Variants in RAF1 observed in about 807,000 individuals in gnomAD.
RAF1 encodes Raf-1 proto-oncogene, serine/threonine kinase.
RAF1 carries 27 observed loss-of-function variants against 81.1 expected under a neutral mutation model. That is an observed-to-expected ratio of 0.33 (90% confidence interval 0.25 to 0.46). RAF1 has a LOEUF of 0.46. RAF1 is among the 20% of genes least tolerant of loss of function. RAF1 has a pLI of 1.00. For synonymous variants in RAF1, 298 were observed against 294.0 expected, an observed-to-expected ratio of 1.01 and a Z score of -0.14; for missense variants, 598 against 826.0, an observed-to-expected ratio of 0.72 and a Z score of 3.38.
intron 1 of RAF1, among the ~76,000 whole-genome samples, chr3:12,647,218 C>T (rs2060377836): frequency 6.6e-6 from 1 of 150,906 alleles, no homozygotes; most frequent in South Asian, 2.1e-4. Flanking sequence ...ATGGCGGGAA[C>T]CCAGGAGGCG....
At chr3:12,610,826 A>G (rs1008934535) in intron 3 of RAF1, among the ~76,000 whole-genome samples, 16 of 152,188 alleles carry the variant, frequency 1.1e-4, no homozygotes, top group African/African-American at 3.9e-4. Flanking sequence ...ATAATGGATA[A>G]TGGATAATTA....
chr3:12,635,456 G>A (rs1157224842), intron 1 of RAF1, among the ~76,000 whole-genome samples: 2 of 150,878 alleles, frequency 1.3e-5, no homozygotes, highest in East Asian at 1.9e-4. Flanking sequence ...AGCCAACATG[G>A]TGAAACCCCA....
intron 1 of RAF1, among the ~76,000 whole-genome samples, chr3:12,642,082 T>C (rs1287224600): frequency 6.6e-6 from 1 of 150,932 alleles, no homozygotes; most frequent in Non-Finnish European, 1.5e-5. Context: ...CAGGAGGCAG[T>C]GGTTGCAGTG....
intron 11 of RAF1, chr3:12,592,185 A>T: frequency 2.9e-6 from 1 of 341,450 alleles, no homozygotes. Flanking sequence ...AGGTGAGGTC[A>T]TGTGTGACAG....
At chr3:12,592,960 C>T (rs1447693867) in intron 11 of RAF1, among the ~76,000 whole-genome samples, 4 of 151,764 alleles carry the variant, frequency 2.6e-5, no homozygotes, top group Middle Eastern at 3.4e-3. Flanking sequence ...AGGATGGTCT[C>T]GATCTCCTGA....
At chr3:12,662,980 A>G (rs2060927645) in intron 1 of RAF1, among the ~76,000 whole-genome samples, 3 of 151,772 alleles carry the variant, frequency 2.0e-5, no homozygotes, top group African/African-American at 7.3e-5. Context: ...ACCCCCTAGA[A>G]CCCGTTCACA....
intron 2 of RAF1, among the ~76,000 whole-genome samples, chr3:12,617,828 G>A (rs1419144363): frequency 6.7e-6 from 1 of 149,928 alleles, no homozygotes; most frequent in Non-Finnish European, 1.5e-5. Flanking sequence ...AGGAGGCAGA[G>A]GTTGCAGTGA....
intron 1 of RAF1, among the ~76,000 whole-genome samples, chr3:12,635,711 C>T (rs59958911): frequency 0.12 from 18,048 of 150,206 alleles, 1,318 homozygotes; most frequent in Admixed American, 0.2. Flanking sequence ...CGGTGGCTCA[C>T]GCCTGTAATC....
chr3:12,660,913 G>A (rs953459806), intron 1 of RAF1, among the ~76,000 whole-genome samples: 4 of 152,140 alleles, frequency 2.6e-5, no homozygotes, highest in South Asian at 2.1e-4. Context: ...GGCAGAGGTC[G>A]CAGTGAGCCA....
Position 12,606,370 on chromosome 3 carries a change from C to CT in RAF1, c.582-72dup, listed in dbSNP as rs374833057. Reference sequence around the variant, plus strand: ...TTACAGAGACAATCAGCATGCCTTGCTTTTGCAAACTCAGAGCTACTAAAA... The same window carrying CT: ...TTACAGAGACAATCAGCATGCCTTGCTTTTTGCAAACTCAGAGCTACTAAAA... On this transcript the variant is annotated intron_variant, in intron 5 of 17. Coordinates refer to ENST00000442415, the MANE Select transcript of RAF1 (RefSeq NM_001354689.3). The CT allele has an allele frequency of 7.2e-5, 81 of 1,120,510 alleles. 2 individuals are homozygous for CT. The African/African-American group carries it at 9.7e-4, about 13-fold the overall frequency. The allele number at this position is 1,120,510 out of a possible 1,614,324, so 69.4% of individuals were successfully genotyped here. A position where few individuals can be genotyped will look rare whatever the true frequency, so the allele number is the denominator to read the frequency against.
chr3:12,630,225 T>C (rs775309597), intron 1 of RAF1, among the ~76,000 whole-genome samples: 2 of 152,108 alleles, frequency 1.3e-5, no homozygotes, highest in Non-Finnish European at 2.9e-5. Context: ...TAACTATCAG[T>C]TCAAAATCTA....
chr3:12,647,573 A>G (rs2125552981), intron 1 of RAF1, among the ~76,000 whole-genome samples: 1 of 151,788 alleles, frequency 6.6e-6, no homozygotes, highest in East Asian at 1.9e-4. Context: ...CAGCCTGGGC[A>G]ACAGAGTGAG....
At chr3:12,620,379 G>A (rs548951815) in intron 1 of RAF1, among the ~76,000 whole-genome samples, 3 of 152,082 alleles carry the variant, frequency 2.0e-5, no homozygotes, top group African/African-American at 7.2e-5. Flanking sequence ...TGATCTGTCC[G>A]CCTCGGCCTC....
At chr3:12,597,825 G>A (rs2058732001) in intron 11 of RAF1, among the ~76,000 whole-genome samples, 1 of 151,768 alleles carries the variant, frequency 6.6e-6, no homozygotes, top group Non-Finnish European at 1.5e-5. Flanking sequence ...TGAGGCAGGA[G>A]GATGGCTAGC....
intron 5 of RAF1, among the ~76,000 whole-genome samples, chr3:12,608,127 C>CA (rs1480289266): frequency 8.6e-5 from 13 of 152,022 alleles, no homozygotes; most frequent in Non-Finnish European, 1.6e-4. Flanking sequence ...CTAGTACTGT[C>CA]AAAAAAGGAC....
At chr3:12,662,823 G>C (rs1255244553) in intron 1 of RAF1, among the ~76,000 whole-genome samples, 1 of 152,160 alleles carries the variant, frequency 6.6e-6, no homozygotes, top group East Asian at 1.9e-4. Context: ...CATAACACTT[G>C]ATAAGCCAAT....
chr3:12,650,292 C>G (rs1181125712), intron 1 of RAF1, among the ~76,000 whole-genome samples: 1 of 151,936 alleles, frequency 6.6e-6, no homozygotes, highest in African/African-American at 2.4e-5. Context: ...TCACTGCACT[C>G]TAGCCTGGGT....
At chr3:12,585,338 A>T in intron 15 of RAF1, 85 bp from the exon 15 acceptor site, 1 of 1,592,062 alleles carries the variant, frequency 6.3e-7, no homozygotes. Flanking sequence ...TGTCCCTTTC[A>T]TTAGTTATGA....
chr3:12,642,445 G>A (rs1376519180), intron 1 of RAF1, among the ~76,000 whole-genome samples: 1 of 151,480 alleles, frequency 6.6e-6, no homozygotes, highest in Admixed American at 6.6e-5. Context: ...CCAGGAGGCA[G>A]AGCTTGCAGT....
Sources: allele counts gnomAD v4.1 joint callset (sites outside exome capture counted in the v4.1 genomes callset), GRCh38; gene constraint gnomAD v4.1.1; transcripts MANE v1.5; gene names NCBI Gene and HGNC (gene_info 2026-07-23, HGNC 2026-07-21).